Variants in FSTL5 observed in about 807,000 individuals in gnomAD.
FSTL5 encodes the protein follistatin-related protein 5.
FSTL5 carries 62 observed loss-of-function variants against 89.1 expected under a neutral mutation model. The observed-to-expected ratio is 0.70, with a 90% CI of 0.57 to 0.86. The LOEUF (loss-of-function observed/expected upper bound fraction) is 0.86. Ranked by LOEUF, FSTL5 falls within the 40% of genes least tolerant of loss-of-function variation. FSTL5 has a pLI of 0.00. For synonymous variants in FSTL5, 383 were observed against 346.2 expected (o/e 1.11, Z -1.18); for missense variants, 1,057 against 1,001.6 (o/e 1.06, Z -0.75).
chr4:161,774,076 A>G (rs965313797), intron 5 of FSTL5, among the ~76,000 whole-genome samples: 3 of 152,150 alleles, frequency 2.0e-5, no homozygotes, highest in African/African-American at 7.2e-5. Context: ...CCTGGGTAAC[A>G]TGGTGAAACC....
chr4:161,564,870 G>A (rs1017697794), intron 8 of FSTL5, among the ~76,000 whole-genome samples: 1 of 151,812 alleles, frequency 6.6e-6, no homozygotes, highest in African/African-American at 2.4e-5. Flanking sequence ...CAAAAAATGA[G>A]CTGGAGGAAA....
chr4:161,717,813 G>A (rs1473544772), intron 6 of FSTL5, among the ~76,000 whole-genome samples: 1 of 152,132 alleles, frequency 6.6e-6, no homozygotes, highest in Admixed American at 6.5e-5. Flanking sequence ...TTCAGTTTTT[G>A]TATAAAGGTT....
At chr4:161,466,818 T>G (rs1470965275) in intron 13 of FSTL5, among the ~76,000 whole-genome samples, 2 of 152,178 alleles carry the variant, frequency 1.3e-5, no homozygotes, top group African/African-American at 4.8e-5. Context: ...AAAATGATAC[T>G]GATGTATTTG....
At chr4:161,750,073 G>A (rs1366757712) in intron 6 of FSTL5, among the ~76,000 whole-genome samples, 2 of 151,948 alleles carry the variant, frequency 1.3e-5, no homozygotes, top group Non-Finnish European at 2.9e-5. Context: ...GAATATATAC[G>A]AGTATGTTTG....
At chr4:161,564,694 T>G (rs910655437) in intron 8 of FSTL5, among the ~76,000 whole-genome samples, 1 of 151,612 alleles carries the variant, frequency 6.6e-6, no homozygotes, top group Non-Finnish European at 1.5e-5. Flanking sequence ...ATTTATAAAC[T>G]TTTAGATACT....
intron 10 of FSTL5, among the ~76,000 whole-genome samples, chr4:161,529,556 T>C (rs138810234): frequency 0.041 from 5,826 of 142,572 alleles, 1,068 homozygotes; most frequent in East Asian, 0.24. Context: ...ATTAAACAAG[T>C]AATTTGGGGC....
intron 3 of FSTL5, among the ~76,000 whole-genome samples, chr4:161,994,950 A>G (rs79820996): frequency 6.6e-6 from 1 of 152,090 alleles, no homozygotes; most frequent in Non-Finnish European, 1.5e-5. Context: ...GTCATTTGAA[A>G]TACTTGTCCA....
At chr4:161,892,536 T>C (rs1208296688) in intron 4 of FSTL5, among the ~76,000 whole-genome samples, 1 of 152,056 alleles carries the variant, frequency 6.6e-6, no homozygotes, top group Non-Finnish European at 1.5e-5. Context: ...GTAAACCTTG[T>C]AGAAGTCTAT....
chr4:161,624,577 A>AT (rs1274791967), intron 7 of FSTL5, among the ~76,000 whole-genome samples: 2 of 151,810 alleles, frequency 1.3e-5, no homozygotes, highest in Non-Finnish European at 1.5e-5. Flanking sequence ...TAATACTAAA[A>AT]ACTTTAATAC....
chr4:161,400,006 T>C (rs2110902297), intron 15 of FSTL5, among the ~76,000 whole-genome samples: 1 of 152,272 alleles, frequency 6.6e-6, no homozygotes, highest in South Asian at 2.1e-4. Flanking sequence ...TAATTAATAA[T>C]AGCAAATAAT....
intron 15 of FSTL5, among the ~76,000 whole-genome samples, chr4:161,403,411 TA>T (rs1178226948): frequency 6.6e-6 from 1 of 152,204 alleles, no homozygotes; most frequent in Non-Finnish European, 1.5e-5. Context: ...TACCAATTAA[TA>T]TAGCAGATAT....
chr4:161,976,432 C>A lies in FSTL5; in HGVS notation c.161-55780G>T, dbSNP rs150498358. On this transcript the variant is annotated intron_variant, in intron 3 of 15. Coordinates refer to ENST00000306100, the MANE Select transcript of FSTL5 (RefSeq NM_020116.5). ...CTCAGTGTGGGACTCAGGCATTAGT[C>A]GTTTTTAAATATTTATCAGGTGATT... is the stretch of plus-strand genomic sequence containing the variant. 1.2e-3 allele frequency among the ~76,000 whole-genome samples: 186 copies of A among 152,170 alleles called. 1 individual carries two copies. Among genetic ancestry groups the A allele is most frequent in the African/African-American group, 4.2e-3 (174 of 41,538 alleles).
chr4:161,646,199 C>G lies in FSTL5; in HGVS notation c.894+10129G>C, dbSNP rs1475413908. Among the ~76,000 whole-genome samples the G allele has an allele frequency of 6.1e-5, 9 of 147,840 alleles. No individual in the cohort carries two copies. The Admixed American group carries it at 6.1e-4, about 10-fold the overall frequency. ...ATAATATATCATATATAATGTATAT[C>G]ATGTATAATATATATCATGTACAAT... On this transcript the variant is annotated intron_variant, in intron 7 of 15. Transcript: ENST00000306100.
At chr4:161,983,761 T>C (rs1320872659) in intron 3 of FSTL5, among the ~76,000 whole-genome samples, 1 of 152,164 alleles carries the variant, frequency 6.6e-6, no homozygotes, top group Non-Finnish European at 1.5e-5. Flanking sequence ...CCTTAGGGCA[T>C]GCAAATAAAA....
intron 7 of FSTL5, among the ~76,000 whole-genome samples, chr4:161,654,012 A>G (rs1260719945): frequency 6.6e-6 from 1 of 152,164 alleles, no homozygotes; most frequent in Non-Finnish European, 1.5e-5. Context: ...TATCTGTTCT[A>G]TAAAGTTTAT....
At chr4:161,521,424 G>A (rs1462052405) in intron 10 of FSTL5, among the ~76,000 whole-genome samples, 1 of 151,804 alleles carries the variant, frequency 6.6e-6, no homozygotes, top group Non-Finnish European at 1.5e-5. Context: ...TCTCTATTCT[G>A]TGAGAAGCCT....
At chr4:161,643,370 T>C (rs1307023726) in intron 7 of FSTL5, among the ~76,000 whole-genome samples, 1 of 152,164 alleles carries the variant, frequency 6.6e-6, no homozygotes, top group Non-Finnish European at 1.5e-5. Context: ...CTTAGAAGTG[T>C]CCTATGGCCT....
At chr4:161,991,559 A>G (rs1049954068) in intron 3 of FSTL5, among the ~76,000 whole-genome samples, 2 of 152,194 alleles carry the variant, frequency 1.3e-5, no homozygotes, top group African/African-American at 4.8e-5. Context: ...ATGAGTTTCA[A>G]CTGCATGTAT....
At chr4:162,127,053 G>A (rs12504955) in intron 1 of FSTL5, among the ~76,000 whole-genome samples, 14,720 of 151,994 alleles carry the variant, frequency 0.097, 903 homozygotes, top group African/African-American at 0.17. Context: ...CCGCACCATT[G>A]ACCAGCCTTT....
Sources: allele counts gnomAD v4.1 joint callset (sites outside exome capture counted in the v4.1 genomes callset), GRCh38; gene constraint gnomAD v4.1.1; transcripts MANE v1.5; gene names NCBI Gene and HGNC (gene_info 2026-07-23, HGNC 2026-07-21).